TMEM41B: variants seen among roughly 807,000 people sequenced by gnomAD.
The protein encoded by TMEM41B is transmembrane protein 41B, also known as protein stasimon.
TMEM41B carries 18 observed loss-of-function variants against 31.9 expected under a neutral mutation model. The ratio of observed to expected loss-of-function variants is 0.56; its 90% CI spans 0.39 to 0.84. TMEM41B has a LOEUF of 0.84. Ranked by LOEUF, TMEM41B falls within the 40% of genes least tolerant of loss-of-function variation. The probability of loss-of-function intolerance (pLI) is 0.00; values close to 1 mark genes in which losing one functional copy is unlikely to be tolerated. For missense variants in TMEM41B, 322 were observed against 348.0 expected, an observed-to-expected ratio of 0.93 and a Z score of 0.59; for synonymous variants, 144 against 124.3, an observed-to-expected ratio of 1.16 and a Z score of -1.05.
At chr11:9,307,950 G>A (rs1220609487) in intron 1 of TMEM41B, among the ~76,000 whole-genome samples, 3 of 151,506 alleles carry the variant, frequency 2.0e-5, no homozygotes, top group Non-Finnish European at 2.9e-5. Context: ...GGGTTTCACC[G>A]TGGTCTGGAT....
In TMEM41B at chr11:9,299,655, T is replaced by C. The variant is rs751423465; in HGVS notation, c.168A>G (p.Ile56Met). The stretch of plus-strand genomic sequence containing the variant: ...CTGCAGATAAGAAAATGGACACCAA[T>C]ATAAGGAGTGACATTCTTGCTGATC... ...EAGSARMSLL[I>M]LVSIFLSAAF... The change falls in exon 2 of 7, where the codon ATA becomes ATG. Residue 56 changes from isoleucine (I) to methionine (M), a missense_variant. Ile to Met is a conservative substitution (Grantham distance 10). Around this residue, in one of 3 missense-constraint regions of TMEM41B, gnomAD observed 183 missense variants for 175.3 expected, o/e 1.04. Transcript: ENST00000528080. The C allele has an allele frequency of 2.7e-5, 43 of 1,613,196 alleles. No homozygotes were observed. The highest frequency in any genetic ancestry group is 3.6e-5 in the Non-Finnish European group (42 of 1,179,870).
chr11:9,306,591 C>T (rs1222630950), intron 1 of TMEM41B, among the ~76,000 whole-genome samples: 2 of 151,984 alleles, frequency 1.3e-5, no homozygotes, highest in African/African-American at 4.8e-5. Flanking sequence ...GATGCTGAGG[C>T]AGGAAATCGG....
In TMEM41B at chr11:9,295,166, T is replaced by A; in HGVS notation, c.368+93A>T. ...ATTGTCACACTGCAATAACAAATTT[T>A]AAAAGGAAAATAGTTATGTATAAAT... On this transcript the variant is annotated intron_variant, in intron 3 of 6. Coordinates refer to ENST00000528080, the MANE Select transcript of TMEM41B (RefSeq NM_015012.4). 3.2e-6 allele frequency: 4 copies of A among 1,243,570 alleles called. No individual in the cohort carries two copies. In the Admixed American group the frequency reaches 1.5e-4, roughly 46 times the overall value. The allele number at this position is 1,243,570 out of a possible 1,614,324, so 77.0% of individuals were successfully genotyped here.
At chr11:9,297,227 G>A (rs886823637) in intron 2 of TMEM41B, among the ~76,000 whole-genome samples, 2 of 152,170 alleles carry the variant, frequency 1.3e-5, no homozygotes, top group African/African-American at 4.8e-5. Context: ...TGGGACTACG[G>A]GCGCCCGCCA....
intron 2 of TMEM41B, among the ~76,000 whole-genome samples, chr11:9,297,694 AAAAT>A (rs1306956936): frequency 7.2e-5 from 11 of 152,064 alleles, no homozygotes; most frequent in Non-Finnish European, 1.0e-4. Flanking sequence ...CTGTCTCAAA[AAAAT>A]AAATAAATAA....
intron 6 of TMEM41B, among the ~76,000 whole-genome samples, chr11:9,286,016 G>A (rs1475550444): frequency 1.3e-5 from 2 of 152,184 alleles, no homozygotes; most frequent in Non-Finnish European, 1.5e-5. Flanking sequence ...TTGGGAGGCT[G>A]AGGCAGGAGA....
chr11:9,286,404 G>A (rs76581517), intron 6 of TMEM41B, 51 bp downstream of exon 6: 124,883 of 1,552,030 alleles, frequency 0.08, 5,571 homozygotes, highest in South Asian at 0.1. Flanking sequence ...GCTGGACACT[G>A]TTAGATATGT....
intron 1 of TMEM41B, among the ~76,000 whole-genome samples, chr11:9,299,939 G>C (rs1202035495): frequency 1.3e-5 from 2 of 152,066 alleles, no homozygotes. Context: ...CACCAACATG[G>C]AGAAACTCCG....
chr11:9,283,465 G>A lies in TMEM41B; in HGVS notation c.835C>T (p.Pro279Ser). 6.2e-7 allele frequency: 1 copy of A among 1,603,706 alleles called. No homozygotes were observed. Among genetic ancestry groups the A allele is most frequent in the Non-Finnish European group, 8.5e-7 (1 of 1,177,466 alleles). The change falls in exon 7 of 7, where the codon CCA (proline) becomes TCA (serine). Residue 279 changes from proline to serine, a missense_variant. Physicochemically the swap from Pro to Ser is moderately conservative, Grantham distance 74. This residue lies in a region of TMEM41B where 92 missense variants were observed against 88.0 expected (regional missense o/e 1.05). Coordinates refer to ENST00000528080, the MANE Select transcript of TMEM41B (RefSeq NM_015012.4). ...LMILAVLSIL[P>S]AIFQKKLKQK... ...TTTAGTTTTTTTTGGAAGATGGCTG[G>A]CAGAATAGAAAGAACAGCCAAGATC...
chr11:9,305,968 C>T (rs1015995857), intron 1 of TMEM41B, among the ~76,000 whole-genome samples: 2 of 145,630 alleles, frequency 1.4e-5, no homozygotes, highest in East Asian at 4.1e-4. Context: ...GCTACTTACA[C>T]CAGCACTTTT....
At chr11:9,310,655 C>CTTTTTTTTTT (rs36061977) in intron 1 of TMEM41B, among the ~76,000 whole-genome samples, 1 of 109,164 alleles carries the variant, frequency 9.2e-6, no homozygotes, top group Non-Finnish European at 1.8e-5. Context: ...GTTAAGAGCC[C>CTTTTTTTTTT]TTTTTTTTTT....
intron 1 of TMEM41B, among the ~76,000 whole-genome samples, chr11:9,307,399 A>G (rs1332707209): frequency 6.6e-6 from 1 of 152,194 alleles, no homozygotes; most frequent in Non-Finnish European, 1.5e-5. Flanking sequence ...TGAAAATGGT[A>G]TTAACATCAA....
chr11:9,293,334 C>T (rs935197339), intron 3 of TMEM41B, among the ~76,000 whole-genome samples: 10 of 152,190 alleles, frequency 6.6e-5, no homozygotes, highest in African/African-American at 2.2e-4. Flanking sequence ...AACCACTGGC[C>T]TCACGCAATC....
At chr11:9,314,229 C>G in intron 1 of TMEM41B, 92 bp downstream of exon 1, 2 of 1,420,816 alleles carry the variant, frequency 1.4e-6, no homozygotes, top group East Asian at 5.5e-5. Flanking sequence ...CCTCTTTCCC[C>G]GCGACTCTCC....
At chr11:9,298,495 T>C (rs1853155721) in intron 2 of TMEM41B, among the ~76,000 whole-genome samples, 2 of 148,838 alleles carry the variant, frequency 1.3e-5, no homozygotes. Flanking sequence ...CTGGGCACAG[T>C]GGCTCACGCC....
At chr11:9,295,172 G>T in intron 3 of TMEM41B, 87 bp downstream of exon 3, 2 of 1,258,544 alleles carry the variant, frequency 1.6e-6, no homozygotes, top group South Asian at 2.2e-5. Context: ...ATTTTAAAAG[G>T]AAAATAGTTA....
At position 9,283,219 on chromosome 11, in the gene TMEM41B, T is replaced by C. The variant is rs1852761527; in HGVS notation, c.*205A>G. On this transcript the variant is annotated 3_prime_UTR_variant, in exon 7 of 7. Transcript: ENST00000528080. ...CTAAGATGTCTACCTTAACTATTGA[T>C]AGCACTTTTCACAGTATACCAATTT... 2.2e-6 allele frequency: 1 copy of C among 455,118 alleles called. No homozygotes were observed. The highest frequency in any genetic ancestry group is 3.8e-6 in the Non-Finnish European group (1 of 261,142). The allele number at this position is 455,118 out of a possible 1,614,324, so 28.2% of individuals were successfully genotyped here.
chr11:9,298,253 G>A (rs1194242767), intron 2 of TMEM41B, among the ~76,000 whole-genome samples: 2 of 151,594 alleles, frequency 1.3e-5, no homozygotes, highest in Non-Finnish European at 2.9e-5. Flanking sequence ...GAGGCCAGGA[G>A]TTCAAGACCA....
rs184751749 is a variant in TMEM41B at position 9,297,823 on chromosome 11, A to G, written c.239+1761T>C. 2.6e-4 allele frequency among the ~76,000 whole-genome samples: 39 copies of G among 152,192 alleles called. 1 individual carries two copies. In the East Asian group the frequency reaches 6.4e-3, roughly 25 times the overall value. On this transcript the variant is annotated intron_variant, in intron 2 of 6. Coordinates refer to ENST00000528080, the MANE Select transcript of TMEM41B (RefSeq NM_015012.4). ...AAGGCCTGAGTCCTCATTTGTTTAC[A>G]TGACAAAAAAAATTTAACTGACCTA...
Sources: allele counts gnomAD v4.1 joint callset (sites outside exome capture counted in the v4.1 genomes callset), GRCh38; gene constraint gnomAD v4.1.1; regional missense constraint gnomAD v4.1.1; transcripts MANE v1.5; gene names NCBI Gene and HGNC (gene_info 2026-07-23, HGNC 2026-07-21).